The following UTRN variants were observed in gnomAD, a reference collection of about 807,000 sequenced individuals.
The protein encoded by UTRN is utrophin.
UTRN carries 283 observed loss-of-function variants against 463.9 expected under a neutral mutation model. The ratio of observed to expected loss-of-function variants is 0.61; its 90% confidence interval spans 0.55 to 0.67. UTRN has a LOEUF of 0.67. Ranked by LOEUF, UTRN falls within the 30% of genes least tolerant of loss-of-function variation. The pLI, the probability that UTRN is intolerant of heterozygous loss-of-function variation, is 0.00. For missense variants in UTRN, 3,922 were observed against 4,084.3 expected, an observed-to-expected ratio of 0.96 and a Z score of 1.08; for synonymous variants, 1,442 against 1,431.5, an observed-to-expected ratio of 1.01 and a Z score of -0.17.
At chr6:144,420,343 C>A (rs1209104417) in intron 3 of UTRN, among the ~76,000 whole-genome samples, 1 of 152,098 alleles carries the variant, frequency 6.6e-6, no homozygotes, top group Non-Finnish European at 1.5e-5. Flanking sequence ...ATTATTTGAT[C>A]TTTACAGTGA....
intron 59 of UTRN, among the ~76,000 whole-genome samples, chr6:144,772,780 A>C (rs908416464): frequency 6.6e-6 from 1 of 152,192 alleles, no homozygotes; most frequent in East Asian, 1.9e-4. Flanking sequence ...GTTTTGTTTT[A>C]ATTTCTAGTG....
intron 55 of UTRN, among the ~76,000 whole-genome samples, chr6:144,748,873 A>G (rs1791055230): frequency 6.6e-6 from 1 of 152,130 alleles, no homozygotes; most frequent in Non-Finnish European, 1.5e-5. Flanking sequence ...TTTATTTGTT[A>G]AAGACACTGA....
intron 51 of UTRN, among the ~76,000 whole-genome samples, chr6:144,630,175 G>A (rs1366574349): frequency 2.6e-5 from 4 of 152,118 alleles, no homozygotes; most frequent in African/African-American, 7.2e-5. Context: ...GTGACAGAGC[G>A]AGACTCCATC....
chr6:144,797,966 A>G lies in UTRN; in HGVS notation c.9221A>G (p.Lys3074Arg). The change falls in exon 64 of 75, where the codon AAA becomes AGA. Residue 3074 changes from lysine (K) to arginine (R), a missense_variant. Around this residue, in one of 3 missense-constraint regions of UTRN, gnomAD observed 1,309 missense variants for 1,452.6 expected, o/e 0.90. Coordinates refer to ENST00000367545, the MANE Select transcript of UTRN (RefSeq NM_007124.3). ...AKHQAKCNIC[K>R]ECPIVGFRYR... is the part of the protein sequence containing the mutation. ...CATCAGGCCAAATGCAACATCTGTA[A>G]AGAATGTCCAATTGTCGGGTTCAGG... The G allele has an allele frequency of 6.2e-7, 1 of 1,614,090 alleles. No individual in the cohort carries two copies. Among genetic ancestry groups the G allele is most frequent in the Non-Finnish European group, 8.5e-7 (1 of 1,179,996 alleles).
chr6:144,381,125 T>G (rs1780875068), intron 2 of UTRN, among the ~76,000 whole-genome samples: 1 of 152,178 alleles, frequency 6.6e-6, no homozygotes, highest in South Asian at 2.1e-4. Context: ...CATCCAGGTA[T>G]TAAGCCTAGT....
chr6:144,293,729 A>T (rs1187138803), intron 2 of UTRN, among the ~76,000 whole-genome samples: 1 of 152,142 alleles, frequency 6.6e-6, no homozygotes, highest in Non-Finnish European at 1.5e-5. Flanking sequence ...AAAGGATGTT[A>T]TGGTCAAATA....
intron 33 of UTRN, 34 bp downstream of exon 33, chr6:144,493,490 TC>T: frequency 3.1e-6 from 3 of 954,954 alleles, no homozygotes; most frequent in Non-Finnish European, 1.4e-6. Context: ...CATCTCTCTG[TC>T]TCTCTCTCTC....
At chr6:144,795,939 G>T (rs576055452) in intron 63 of UTRN, among the ~76,000 whole-genome samples, 4 of 152,094 alleles carry the variant, frequency 2.6e-5, no homozygotes, top group Admixed American at 2.6e-4. Flanking sequence ...TGTCAATTTT[G>T]CCTTTTGTTG....
At chr6:144,486,816 G>T (rs935989509) in intron 28 of UTRN, among the ~76,000 whole-genome samples, 2 of 152,046 alleles carry the variant, frequency 1.3e-5, no homozygotes, top group African/African-American at 4.8e-5. Context: ...CATCGCACTT[G>T]GCCAGGCTTT....
intron 2 of UTRN, among the ~76,000 whole-genome samples, chr6:144,341,492 T>C (rs1347047780): frequency 1.3e-5 from 2 of 152,232 alleles, no homozygotes; most frequent in Non-Finnish European, 2.9e-5. Context: ...GAATAATTAC[T>C]ATTCTCCCAG....
At chr6:144,740,479 G>A (rs889775115) in intron 54 of UTRN, among the ~76,000 whole-genome samples, 4 of 152,126 alleles carry the variant, frequency 2.6e-5, no homozygotes, top group South Asian at 4.1e-4. Flanking sequence ...TGAAGTATAA[G>A]TAATTGCTTT....
At chr6:144,399,729 A>G (rs999787705) in intron 2 of UTRN, among the ~76,000 whole-genome samples, 1 of 152,166 alleles carries the variant, frequency 6.6e-6, no homozygotes, top group Non-Finnish European at 1.5e-5. Context: ...TCTCTGCCAC[A>G]TTTCCAGTTT....
chr6:144,515,925 G>GGC (rs1350503697), intron 37 of UTRN, among the ~76,000 whole-genome samples: 1 of 152,130 alleles, frequency 6.6e-6, no homozygotes, highest in Non-Finnish European at 1.5e-5. Context: ...TCTGGATCAT[G>GGC]GCCATAGTTT....
intron 51 of UTRN, among the ~76,000 whole-genome samples, chr6:144,590,341 G>T (rs867549496): frequency 9.9e-5 from 15 of 152,088 alleles, no homozygotes; most frequent in Admixed American, 2.6e-4. Flanking sequence ...GTTGGTTCTG[G>T]TTTTTGATTT....
chr6:144,559,874 T>C (rs1449121434), intron 50 of UTRN, among the ~76,000 whole-genome samples: 1 of 152,176 alleles, frequency 6.6e-6, no homozygotes, highest in Non-Finnish European at 1.5e-5. Flanking sequence ...AGAAGTTAAG[T>C]GACATGTTCA....
At chr6:144,488,341 G>A (rs899529917) in intron 29 of UTRN, among the ~76,000 whole-genome samples, 15 of 152,020 alleles carry the variant, frequency 9.9e-5, no homozygotes, top group Admixed American at 9.2e-4. Context: ...ATTCTTAATT[G>A]GCAGACATTG....
chr6:144,482,114 C>T (rs1791947703), intron 26 of UTRN, 95 bp from the exon 27 acceptor site: 2 of 1,133,488 alleles, frequency 1.8e-6, no homozygotes, highest in Admixed American at 3.5e-5. Context: ...GATGTTTTAA[C>T]TTTGGTTTAA....
chr6:144,289,917 G>C (rs142609268), intron 1 of UTRN, among the ~76,000 whole-genome samples: 92 of 152,224 alleles, frequency 6.0e-4, no homozygotes, highest in Middle Eastern at 3.4e-3. Flanking sequence ...GCTTCCCAAA[G>C]TGCTGGGATT....
intron 16 of UTRN, among the ~76,000 whole-genome samples, chr6:144,448,236 T>C (rs1468755592): frequency 6.6e-6 from 1 of 152,202 alleles, no homozygotes; most frequent in Non-Finnish European, 1.5e-5. Context: ...TATTGACACA[T>C]GCTACAACAT....
Sources: allele counts gnomAD v4.1 joint callset (sites outside exome capture counted in the v4.1 genomes callset), GRCh38; gene constraint gnomAD v4.1.1; regional missense constraint gnomAD v4.1.1; transcripts MANE v1.5; gene names NCBI Gene and HGNC (gene_info 2026-07-23, HGNC 2026-07-21).